The following COL8A1 variants were observed in gnomAD, a reference collection of about 807,000 sequenced individuals.
COL8A1 encodes collagen type VIII alpha 1 chain.
A neutral mutation model predicts 42.7 loss-of-function variants in COL8A1; 21 were observed. The ratio of observed to expected loss-of-function variants is 0.49; its 90% CI spans 0.35 to 0.71. COL8A1 has a LOEUF of 0.71. Ranked by LOEUF, COL8A1 falls within the 30% of genes least tolerant of loss-of-function variation. The pLI is 0.01. For missense variants in COL8A1, 788 were observed against 962.4 expected, an observed-to-expected ratio of 0.82 and a Z score of 2.40; for synonymous variants, 367 against 369.1, an observed-to-expected ratio of 0.99 and a Z score of 0.06.
At chr3:99,727,669 C>T (rs956494243) in intron 1 of COL8A1, among the ~76,000 whole-genome samples, 1 of 151,942 alleles carries the variant, frequency 6.6e-6, no homozygotes, top group African/African-American at 2.4e-5. Context: ...GATACCAAAG[C>T]CTGGCAGAGA....
In COL8A1 at chr3:99,750,049, C is replaced by CTTTTTTTTTTTT. The variant is rs1176042144; in HGVS notation, c.-4+5042_-4+5053dup. Among the ~76,000 whole-genome samples, 522 of 65,886 alleles carry CTTTTTTTTTTTT rather than the reference C, an allele frequency of 7.9e-3. 2 individuals are homozygous for CTTTTTTTTTTTT. Among genetic ancestry groups the CTTTTTTTTTTTT allele is most frequent in the East Asian group, 0.012 (23 of 1,884 alleles). 43.2% of individuals were successfully genotyped at this position (65,886 alleles called of 152,430 possible). Reference sequence around the variant, plus strand: ...GCCAACTTCTTTTTCTTTTTTTCTTCTTTTTTTTTTTTTTTTTTTTTTTTT... The same window carrying CTTTTTTTTTTTT: ...GCCAACTTCTTTTTCTTTTTTTCTTCTTTTTTTTTTTTTTTTTTTTTTTTTTTTTTTTTTTTT... On this transcript the variant is annotated intron_variant, in intron 2 of 3. Coordinates refer to ENST00000652472, the MANE Select transcript of COL8A1 (RefSeq NM_020351.4).
rs368491428 is a variant in COL8A1 at position 99,765,326 on chromosome 3, A to G, written c.-4+20305A>G. 2.4e-4 allele frequency among the ~76,000 whole-genome samples: 36 copies of G among 152,308 alleles called. No homozygotes were observed. In the South Asian group the frequency reaches 7.5e-3, roughly 32 times the overall value. On this transcript the variant is annotated intron_variant, in intron 2 of 3. Coordinates refer to ENST00000652472, the MANE Select transcript of COL8A1 (RefSeq NM_020351.4). The stretch of plus-strand genomic sequence containing the variant: ...ACTCACACCAACCAACAGCAAGAGA[A>G]TGAACTTCACAATCCCCAGCCAACA...
chr3:99,664,033 C>T (rs1938289975), intron 1 of COL8A1, among the ~76,000 whole-genome samples: 2 of 152,174 alleles, frequency 1.3e-5, no homozygotes, highest in South Asian at 4.1e-4. Flanking sequence ...TTACCAAATA[C>T]TCAGTGTGCA....
intron 1 of COL8A1, among the ~76,000 whole-genome samples, chr3:99,732,294 G>T (rs182726651): frequency 6.6e-6 from 1 of 152,210 alleles, no homozygotes; most frequent in African/African-American, 2.4e-5. Context: ...ATATCCAGGT[G>T]TATTAGTCCC....
chr3:99,674,271 A>C (rs1005742381), intron 1 of COL8A1, among the ~76,000 whole-genome samples: 5 of 151,910 alleles, frequency 3.3e-5, no homozygotes, highest in East Asian at 3.9e-4. Context: ...GTGTGCCTTC[A>C]TACCTCCCTG....
rs561834869 is a variant in COL8A1, at chr3:99,790,151, C to T, written c.-3-529C>T. ...ACCAGGACTGAGGTTTATTCTAGCTCGTTTTATCATTCTCTGTGCACTGCA... is the reference window on the plus strand; with the variant it reads ...ACCAGGACTGAGGTTTATTCTAGCTTGTTTTATCATTCTCTGTGCACTGCA... On this transcript the variant is annotated intron_variant, in intron 2 of 3. Coordinates refer to ENST00000652472, the MANE Select transcript of COL8A1 (RefSeq NM_020351.4). 2.6e-5 allele frequency among the ~76,000 whole-genome samples: 4 copies of T among 152,296 alleles called. No homozygotes were observed. In the South Asian group the frequency reaches 6.2e-4, roughly 24 times the overall value.
intron 1 of COL8A1, chr3:99,680,024 C>A (rs925881260): frequency 6.6e-6 from 1 of 151,986 alleles, no homozygotes; most frequent in African/African-American, 2.4e-5. Flanking sequence ...ACTTTAAGTT[C>A]TAGGGTACAT....
chr3:99,640,273 A>G (rs1490730015), intron 1 of COL8A1, among the ~76,000 whole-genome samples: 3 of 152,232 alleles, frequency 2.0e-5, no homozygotes, highest in Non-Finnish European at 4.4e-5. Context: ...CTCATGCCAC[A>G]ATGCAGACTG....
chr3:99,773,700 T>C (rs1941626667), intron 2 of COL8A1, among the ~76,000 whole-genome samples: 1 of 150,050 alleles, frequency 6.7e-6, no homozygotes, highest in South Asian at 2.1e-4. Flanking sequence ...GCTTACCCTA[T>C]GTAGCTTACC....
intron 2 of COL8A1, among the ~76,000 whole-genome samples, chr3:99,789,953 A>G (rs904011597): frequency 2.6e-5 from 4 of 152,222 alleles, no homozygotes; most frequent in African/African-American, 7.2e-5. Context: ...TCTTCAACTC[A>G]GAAGACTTCT....
intron 1 of COL8A1, among the ~76,000 whole-genome samples, chr3:99,660,845 T>C (rs1938182236): frequency 6.6e-6 from 1 of 152,188 alleles, no homozygotes; most frequent in African/African-American, 2.4e-5. Flanking sequence ...CCCAAATTTG[T>C]TTAATAGCTA....
chr3:99,733,540 G>A (rs1940593806), intron 1 of COL8A1, among the ~76,000 whole-genome samples: 1 of 151,882 alleles, frequency 6.6e-6, no homozygotes, highest in African/African-American at 2.4e-5. Context: ...TCTTAATCCA[G>A]TCTATCATTG....
intron 2 of COL8A1, among the ~76,000 whole-genome samples, chr3:99,755,577 T>A (rs920996488): frequency 4.6e-5 from 7 of 152,070 alleles, no homozygotes; most frequent in African/African-American, 1.7e-4. Context: ...AAAAATCAAA[T>A]AAGGGAAAGG....
At chr3:99,718,046 T>C (rs975889279) in intron 1 of COL8A1, among the ~76,000 whole-genome samples, 3 of 151,958 alleles carry the variant, frequency 2.0e-5, no homozygotes, top group African/African-American at 4.8e-5. Flanking sequence ...CCTCTGTTTA[T>C]CCAATTCCCA....
In COL8A1 at chr3:99,714,971, G is replaced by A. The variant is rs557748044; in HGVS notation, c.-128-29926G>A. Among the ~76,000 whole-genome samples the A allele has an allele frequency of 3.3e-5, 5 of 152,160 alleles. No homozygotes were observed. In the South Asian group the frequency reaches 6.2e-4, roughly 19 times the overall value. On this transcript the variant is annotated intron_variant, in intron 1 of 3. Transcript: ENST00000652472. ...TCTAAACCAAAGGCATTGTAAATGC[G>A]AAGTCCTTAGGGAGCAATAAGCTTG... is the stretch of plus-strand genomic sequence containing the variant.
At chr3:99,647,361 A>C (rs955126427) in intron 1 of COL8A1, among the ~76,000 whole-genome samples, 1 of 152,220 alleles carries the variant, frequency 6.6e-6, no homozygotes, top group Admixed American at 6.6e-5. Context: ...AGATATGTAG[A>C]GAGATTTCTA....
intron 2 of COL8A1, among the ~76,000 whole-genome samples, chr3:99,763,636 A>C (rs1941405493): frequency 6.6e-6 from 1 of 152,144 alleles, no homozygotes; most frequent in South Asian, 2.1e-4. Context: ...GGAAAAAAAA[A>C]ACAAACTTTC....
chr3:99,775,202 C>G (rs1434078652), intron 2 of COL8A1, among the ~76,000 whole-genome samples: 1 of 152,168 alleles, frequency 6.6e-6, no homozygotes, highest in Non-Finnish European at 1.5e-5. Flanking sequence ...CACAGCAGAA[C>G]CTGGGCTCCA....
At chr3:99,713,988 G>A (rs1939919815) in intron 1 of COL8A1, among the ~76,000 whole-genome samples, 1 of 152,028 alleles carries the variant, frequency 6.6e-6, no homozygotes, top group African/African-American at 2.4e-5. Context: ...AAGACATTAT[G>A]GTTGTATCTC....
Sources: allele counts gnomAD v4.1 joint callset (sites outside exome capture counted in the v4.1 genomes callset), GRCh38; gene constraint gnomAD v4.1.1; transcripts MANE v1.5; gene names NCBI Gene and HGNC (gene_info 2026-07-23, HGNC 2026-07-21).